Variants in SDF4 observed in about 807,000 individuals in gnomAD.
SDF4 encodes the protein 45 kDa calcium-binding protein.
In SDF4, 22 loss-of-function variants were observed where a neutral mutation model predicts 34.2. That is an observed-to-expected ratio of 0.64 (90% CI 0.46 to 0.92). SDF4 has a LOEUF of 0.92. Among genes scored for constraint, SDF4 ranks in the 40% least tolerant of loss-of-function variants. The pLI, the probability that SDF4 is intolerant of heterozygous loss-of-function variation, is 0.00. For synonymous variants in SDF4, 236 were observed against 203.1 expected (o/e 1.16, Z -1.38); for missense variants, 447 against 499.9 (o/e 0.89, Z 1.01).
intron 4 of SDF4, chr1:1,219,637 C>T (rs1014453418): frequency 6.1e-6 from 6 of 986,120 alleles, no homozygotes; most frequent in Non-Finnish European, 4.8e-6. Context: ...GTGGCCCCCG[C>T]TCTCCTGCCG....
rs1638388758 is a variant in SDF4, at chr1:1,228,606, T to C, written c.167A>G (p.Asn56Ser). 20 of 1,613,106 alleles carry C rather than the reference T, an allele frequency of 1.2e-5. No individual in the cohort carries two copies. The highest frequency in any genetic ancestry group is 1.6e-5 in the Non-Finnish European group (19 of 1,180,016). ...ENEILPPDHL[N>S]GVKLEMDGHL... ...CCCGTCCATCTCCAGCTTCACCCCGTTCAGGTGGTCTGGGGGCAGGATCTC... is the reference window on the plus strand; with the variant it reads ...CCCGTCCATCTCCAGCTTCACCCCGCTCAGGTGGTCTGGGGGCAGGATCTC... Residue 56 changes from asparagine to serine, a missense_variant, in exon 2 of 7, where the codon AAC (asparagine) becomes AGC (serine). Asn to Ser is a conservative substitution (Grantham distance 46). Coordinates refer to ENST00000360001, the MANE Select transcript of SDF4 (RefSeq NM_016176.6).
rs1638402128 is a variant in SDF4 at position 1,228,921 on chromosome 1, C to G, written c.-149G>C. ...GGGCTCTGTGTCCCCAGGACGGCCG[C>G]AGGATGGGGACAAGCAGCTCACAGT... On this transcript the variant is annotated 5_prime_UTR_variant, in exon 2 of 7. Transcript: ENST00000360001. The G allele has an allele frequency of 3.0e-6, 2 of 671,146 alleles. No individual in the cohort carries two copies. The highest frequency in any genetic ancestry group is 5.0e-6 in the Non-Finnish European group (2 of 399,906). The allele number at this position is 671,146 out of a possible 1,614,324, so 41.6% of individuals were successfully genotyped here.
intron 4 of SDF4, 90 bp from the exon 5 acceptor site, chr1:1,219,017 G>A (rs1481838473): frequency 1.2e-5 from 19 of 1,610,862 alleles, no homozygotes; most frequent in South Asian, 4.4e-5. Flanking sequence ...TGAACTCGAG[G>A]GACACAGCCA....
At position 1,218,545 on chromosome 1, in the gene SDF4, G is replaced by A. The variant is rs747554037; in HGVS notation, c.804C>T (p.Asp268=). Residue 268 remains aspartate (D), a synonymous_variant, in exon 6 of 7, where the codon GAC becomes GAT. Coordinates refer to ENST00000360001, the MANE Select transcript of SDF4 (RefSeq NM_016176.6). This position sits in a 1 kb window ranked among gnomAD's most constrained non-coding sequence, Gnocchi z 7.9. ...TVENQQGQDI[D]DNWVKDRKKE... ...TTTTTCTGTCTTTCACCCAGTTGTC[G>A]TCAATGTCCTGGCCCTGCTGGTTCT... 85 of 1,613,964 alleles carry A rather than the reference G, an allele frequency of 5.3e-5. No individual in the cohort carries two copies. Among genetic ancestry groups the A allele is most frequent in the African/African-American group, 2.9e-4 (22 of 74,930 alleles).
Position 1,228,639 on chromosome 1 carries a change from T to G in SDF4, c.134A>C (p.Glu45Ala). 1 of 1,613,176 alleles carries G rather than the reference T, an allele frequency of 6.2e-7. No homozygotes were observed. Among genetic ancestry groups the G allele is most frequent in the Non-Finnish European group, 8.5e-7 (1 of 1,180,002 alleles). Residue 45 changes from glutamate (E) to alanine (A), a missense_variant, in exon 2 of 7, where the codon GAG becomes GCG. Coordinates refer to ENST00000360001, the MANE Select transcript of SDF4 (RefSeq NM_016176.6). ...SSTRERVANR[E>A]ENEILPPDHL... ...GTCTGGGGGCAGGATCTCATTCTCC[T>G]CCCTGTTGGCTACTCTCTCTCGAGT... is the stretch of plus-strand genomic sequence containing the variant.
At position 1,228,668 on chromosome 1, in the gene SDF4, C is replaced by T. The variant is rs144248419; in HGVS notation, c.105G>A (p.Ser35=). The change falls in exon 2 of 7, where the codon TCG becomes TCA. Residue 35 remains serine, a synonymous_variant. Transcript: ENST00000360001. ...TGTTGGCTACTCTCTCTCGAGTGGA[C>T]GAGTGGTTGGCAGGCCGTGCAGACG... The part of the protein sequence containing the change: ...MDASARPANH[S]STRERVANRE... The T allele has an allele frequency of 6.8e-4, 1,099 of 1,613,062 alleles. 5 individuals are homozygous for T. In the African/African-American group the frequency reaches 0.012, roughly 18 times the overall value.
At position 1,220,131 on chromosome 1, in the gene SDF4, C is replaced by T. The variant is rs188900949; in HGVS notation, c.557-1204G>A. On this transcript the variant is annotated intron_variant, in intron 4 of 6. Coordinates refer to ENST00000360001, the MANE Select transcript of SDF4 (RefSeq NM_016176.6). ...TCCAGCACAGGATTCTCACAGCCGC[C>T]GCCGAGCCCCAGCACCAACCTCAGG... 62 of 987,152 alleles carry T rather than the reference C, an allele frequency of 6.3e-5. 1 individual carries two copies. Among genetic ancestry groups the T allele is most frequent in the Admixed American group, 3.0e-4 (5 of 16,500 alleles). The allele number at this position is 987,152 out of a possible 1,614,324, so 61.1% of individuals were successfully genotyped here.
intron 2 of SDF4, among the ~76,000 whole-genome samples, chr1:1,225,503 C>A (rs988225857): frequency 6.6e-6 from 1 of 152,216 alleles, no homozygotes; most frequent in Non-Finnish European, 1.5e-5. Flanking sequence ...GCCGCTCACA[C>A]GCGCCCCTCC....
In SDF4 at chr1:1,224,032, C is replaced by T. The variant is rs540249722; in HGVS notation, c.306-64G>A. 2.1e-4 allele frequency: 340 copies of T among 1,590,364 alleles called. 1 individual carries two copies. Among genetic ancestry groups the T allele is most frequent in the South Asian group, 5.9e-4 (53 of 90,190 alleles). On this transcript the variant is annotated intron_variant, in intron 2 of 6. Coordinates refer to ENST00000360001, the MANE Select transcript of SDF4 (RefSeq NM_016176.6). ...GCCCCCAGGACCCCGAACAGCCAGA[C>T]GGATGCCGCCGGCCCAGGACTCCAT...
intron 4 of SDF4, among the ~76,000 whole-genome samples, chr1:1,222,998 G>A (rs536556473): frequency 2.0e-4 from 30 of 150,086 alleles, no homozygotes; most frequent in African/African-American, 6.2e-4. Context: ...CAGTGCACTC[G>A]TACACACGAC....
chr1:1,219,109 C>A, intron 4 of SDF4, 182 bp from the exon 5 acceptor site: 2 of 1,519,944 alleles, frequency 1.3e-6, no homozygotes, highest in Non-Finnish European at 1.8e-6. Context: ...CCTGGACCCC[C>A]GCCAAGACAT....
At chr1:1,221,088 C>A (rs546609339) in intron 4 of SDF4, 1 of 279,534 alleles carries the variant, frequency 3.6e-6, no homozygotes, top group Non-Finnish European at 7.1e-6. Flanking sequence ...GATCCTCTTA[C>A]TTTTAGTTTT....
Position 1,226,355 on chromosome 1 carries a change from A to T in SDF4, c.305+2113T>A, listed in dbSNP as rs1638308993. ...CTCAACCCTGTACGGTCAGGAGGAA[A>T]CATGGCACCTCCCCTCTGGGGGCTC... is the stretch of plus-strand genomic sequence containing the variant. On this transcript the variant is annotated intron_variant, in intron 2 of 6. Coordinates refer to ENST00000360001, the MANE Select transcript of SDF4 (RefSeq NM_016176.6). Among the ~76,000 whole-genome samples, 3 of 120,006 alleles carry T rather than the reference A, an allele frequency of 2.5e-5. No homozygotes were observed. In the South Asian group the frequency reaches 7.6e-4, roughly 30 times the overall value. The allele number at this position is 120,006 out of a possible 152,430, so 78.7% of individuals were successfully genotyped here.
intron 4 of SDF4, chr1:1,220,922 G>T (rs1649914042): frequency 2.5e-6 from 1 of 403,284 alleles, no homozygotes; most frequent in South Asian, 2.0e-5. Flanking sequence ...CCGTGTGTGG[G>T]GAGGAAAATG....
chr1:1,218,615 T>C lies in SDF4; in HGVS notation c.734A>G (p.Gln245Arg). Residue 245 changes from glutamine (Q) to arginine (R), a missense_variant, in exon 6 of 7, where the codon CAG becomes CGG. Coordinates refer to ENST00000360001, the MANE Select transcript of SDF4 (RefSeq NM_016176.6). The surrounding 1 kb of genome is among the most constrained non-coding windows in gnomAD (Gnocchi z 7.9). Reference sequence around the variant, plus strand: ...GGAGATGAACTCGGGCACAGAGAGCTGCTTGTCACCGTCCTGGTCTGCGAG... The same window carrying C: ...GGAGATGAACTCGGGCACAGAGAGCCGCTTGTCACCGTCCTGGTCTGCGAG... ...VRDLDQDGDK[Q>R]LSVPEFISLP... 1 of 1,613,952 alleles carries C rather than the reference T, an allele frequency of 6.2e-7. No individual in the cohort carries two copies. Among genetic ancestry groups the C allele is most frequent in the African/African-American group, 1.3e-5 (1 of 75,054 alleles).
chr1:1,230,819 G>A lies in SDF4; in HGVS notation c.-175+1073C>T, dbSNP rs546868385. The stretch of plus-strand genomic sequence containing the variant: ...CTAGTGGTGGCATAATTCTATTCCT[G>A]TCGTCCCAGATCGCCTGACCAGGGG... On this transcript the variant is annotated intron_variant, in intron 1 of 6. Transcript: ENST00000360001. Among the ~76,000 whole-genome samples, 33 of 152,300 alleles carry A rather than the reference G, an allele frequency of 2.2e-4. No individual in the cohort carries two copies. The South Asian group carries it at 6.2e-3, about 29-fold the overall frequency.
intron 1 of SDF4, among the ~76,000 whole-genome samples, chr1:1,229,607 C>T (rs182920061): frequency 2.6e-5 from 4 of 152,328 alleles, no homozygotes; most frequent in East Asian, 3.9e-4. Context: ...CTGTCCCCAT[C>T]GCCCAACACC....
rs1386719218 is a variant in SDF4 at position 1,218,337 on chromosome 1, C to T, written c.891+121G>A. The T allele has an allele frequency of 1.8e-6, 2 of 1,104,592 alleles. No individual in the cohort carries two copies. The highest frequency in any genetic ancestry group is 1.5e-5 in the South Asian group (1 of 65,196). The allele number at this position is 1,104,592 out of a possible 1,614,324, so 68.4% of individuals were successfully genotyped here. A position where few individuals can be genotyped will look rare whatever the true frequency, so the allele number is the denominator to read the frequency against. On this transcript the variant is annotated intron_variant, in intron 6 of 6. Coordinates refer to ENST00000360001, the MANE Select transcript of SDF4 (RefSeq NM_016176.6). This position sits in a 1 kb window ranked among gnomAD's most constrained non-coding sequence, Gnocchi z 7.9. ...CTGAGCAAACGCCCCAGTGACCAGC[C>T]CAGATGGAGTCTCAGGCCAGACACC...
chr1:1,218,557 G>T lies in SDF4; in HGVS notation c.792C>A (p.Gly264=), dbSNP rs1370310133. 1 of 1,613,960 alleles carries T rather than the reference G, an allele frequency of 6.2e-7. No individual in the cohort carries two copies. Among genetic ancestry groups the T allele is most frequent in the Non-Finnish European group, 8.5e-7 (1 of 1,179,972 alleles). ...LPVGTVENQQ[G]QDIDDNWVKD... ...TCACCCAGTTGTCGTCAATGTCCTG[G>T]CCCTGCTGGTTCTCCACGGTGCCCA... Residue 264 remains glycine, a synonymous_variant, in exon 6 of 7, where the codon GGC becomes GGA. Transcript: ENST00000360001. This position sits in a 1 kb window ranked among gnomAD's most constrained non-coding sequence, Gnocchi z 7.9.
Sources: allele counts gnomAD v4.1 joint callset (sites outside exome capture counted in the v4.1 genomes callset), GRCh38; gene constraint gnomAD v4.1.1; non-coding constraint Gnocchi (gnomAD v3.1); transcripts MANE v1.5; gene names NCBI Gene and HGNC (gene_info 2026-07-23, HGNC 2026-07-21).